The following CYTH1 variants were observed in gnomAD, a reference collection of about 807,000 sequenced individuals.
CYTH1 encodes cytohesin 1, also known as cytohesin-1.
A neutral mutation model predicts 61.8 loss-of-function variants in CYTH1; 18 were observed. That is an observed-to-expected ratio of 0.29 (90% CI 0.20 to 0.43). The LOEUF is 0.43. CYTH1 is among the 20% of genes least tolerant of loss of function. The probability of loss-of-function intolerance (pLI) is 1.00; values close to 1 mark genes in which losing one functional copy is unlikely to be tolerated. For synonymous variants in CYTH1, 174 were observed against 184.3 expected (o/e 0.94, Z 0.45); for missense variants, 336 against 510.5 (o/e 0.66, Z 3.29).
At chr17:78,774,995 C>T (rs2144767990) in intron 1 of CYTH1, among the ~76,000 whole-genome samples, 1 of 152,374 alleles carries the variant, frequency 6.6e-6, no homozygotes, top group Non-Finnish European at 1.5e-5. Flanking sequence ...CAAGGCACTG[C>T]TCCCTCAGAC....
chr17:78,737,300 G>A (rs1201853525), intron 1 of CYTH1, among the ~76,000 whole-genome samples: 5 of 152,070 alleles, frequency 3.3e-5, no homozygotes, highest in African/African-American at 4.8e-5. Context: ...CAATGTAACT[G>A]CTATGTAAAC....
rs2093360944 is a variant in CYTH1 at position 78,746,782 on chromosome 17, A to C, written c.22+35420T>G. ...CATAAACAGACTCCGTCTCTACAGA[A>C]AACTAAAAAATTAGCTGGCTGTGGT... On this transcript the variant is annotated intron_variant, in intron 1 of 13. Transcript: ENST00000446868. Among the ~76,000 whole-genome samples the C allele has an allele frequency of 2.6e-5, 4 of 152,098 alleles. No individual in the cohort carries two copies. The South Asian group carries it at 8.3e-4, about 32-fold the overall frequency.
At position 78,682,764 on chromosome 17, in the gene CYTH1, TG is replaced by T. The variant is rs143630090; in HGVS notation, c.892-1723del. On this transcript the variant is annotated intron_variant, in intron 11 of 13. Coordinates refer to ENST00000446868, the MANE Select transcript of CYTH1 (RefSeq NM_004762.6). ...CCCTACACAAAGCTGTTCTGGTTGC[TG>T]GTGCTTTGCACACGACTGCCGTCCT... Among the ~76,000 whole-genome samples, 302 of 152,366 alleles carry T rather than the reference TG, an allele frequency of 2.0e-3. 2 individuals are homozygous for T. The highest frequency in any genetic ancestry group is 6.9e-3 in the African/African-American group (286 of 41,596).
intron 11 of CYTH1, among the ~76,000 whole-genome samples, chr17:78,683,715 C>CAGA (rs2092787381): frequency 6.6e-6 from 1 of 152,258 alleles, no homozygotes; most frequent in Non-Finnish European, 1.5e-5. Context: ...AGCGAGCACT[C>CAGA]AGACTTCTGC....
chr17:78,692,589 G>A (rs1052638966), intron 10 of CYTH1, 96 bp from the exon 11 acceptor site: 2 of 1,165,660 alleles, frequency 1.7e-6, no homozygotes, highest in South Asian at 2.5e-5. Flanking sequence ...AGAGAGGGTT[G>A]GGGGAGAGGC....
chr17:78,766,871 G>C (rs953157668), intron 1 of CYTH1, among the ~76,000 whole-genome samples: 1 of 152,184 alleles, frequency 6.6e-6, no homozygotes, highest in African/African-American at 2.4e-5. Context: ...TTCAAAGCAT[G>C]GCCTGTGCAT....
At chr17:78,761,994 TACAATGAGGTG>T (rs1257908816) in intron 1 of CYTH1, among the ~76,000 whole-genome samples, 9 of 152,158 alleles carry the variant, frequency 5.9e-5, no homozygotes, top group African/African-American at 2.2e-4. Flanking sequence ...GCTTCCTCCA[TACAATGAGGTG>T]TCCATCATGT....
At chr17:78,676,828 C>T in intron 13 of CYTH1, 1 of 366,378 alleles carries the variant, frequency 2.7e-6, no homozygotes, top group South Asian at 2.0e-5. Context: ...GGAGCACCTG[C>T]AGTGGACTGG....
chr17:78,746,200 G>A (rs2093358892), intron 1 of CYTH1, among the ~76,000 whole-genome samples: 1 of 152,070 alleles, frequency 6.6e-6, no homozygotes, highest in South Asian at 2.1e-4. Context: ...TGTGGCAGGG[G>A]GTGGGGTCAG....
intron 3 of CYTH1, among the ~76,000 whole-genome samples, chr17:78,703,971 C>G (rs148705536): frequency 4.3e-4 from 65 of 152,194 alleles, no homozygotes; most frequent in African/African-American, 1.5e-3. Flanking sequence ...CTGGGTCATA[C>G]GGTACATCTG....
intron 1 of CYTH1, among the ~76,000 whole-genome samples, chr17:78,772,745 C>T (rs767209825): frequency 1.7e-4 from 25 of 151,464 alleles, no homozygotes; most frequent in Non-Finnish European, 3.5e-4. Context: ...ACAATGTTGG[C>T]CAGGATGGTC....
chr17:78,765,985 G>A (rs1226179037), intron 1 of CYTH1, among the ~76,000 whole-genome samples: 1 of 151,326 alleles, frequency 6.6e-6, no homozygotes, highest in Non-Finnish European at 1.5e-5. Context: ...GCTGTGCACG[G>A]TGGCTCAAAC....
intron 1 of CYTH1, among the ~76,000 whole-genome samples, chr17:78,725,598 C>T (rs757587444): frequency 6.6e-6 from 1 of 152,176 alleles, no homozygotes; most frequent in Non-Finnish European, 1.5e-5. Flanking sequence ...TGACTCTCTA[C>T]AGAAGACTCA....
At chr17:78,721,096 G>A (rs965569408) in intron 1 of CYTH1, among the ~76,000 whole-genome samples, 7 of 152,182 alleles carry the variant, frequency 4.6e-5, no homozygotes, top group Non-Finnish European at 8.8e-5. Flanking sequence ...TTGGGGGGCC[G>A]AGGCAGGTGG....
chr17:78,760,508 T>TATATATGTATATATATATACACATAC lies in CYTH1; in HGVS notation c.22+21693_22+21694insGTATGTGTATATATATATACATATAT, dbSNP rs1567879609. On this transcript the variant is annotated intron_variant, in intron 1 of 13. Coordinates refer to ENST00000446868, the MANE Select transcript of CYTH1 (RefSeq NM_004762.6). ...ATGTATATATATATACATATATATGTATATATATGTATATATATATATACA... is the reference window on the plus strand; with the variant it reads ...ATGTATATATATATACATATATATGTATATATGTATATATATATACACATACATATATATGTATATATATATATACA... Among the ~76,000 whole-genome samples, 3 of 46,924 alleles carry TATATATGTATATATATATACACATAC rather than the reference T, an allele frequency of 6.4e-5. No homozygotes were observed. The Admixed American group carries it at 6.9e-4, about 11-fold the overall frequency. 30.8% of individuals were successfully genotyped at this position (46,924 alleles called of 152,430 possible).
chr17:78,727,805 C>T (rs1484609624), intron 1 of CYTH1: 2 of 448,414 alleles, frequency 4.5e-6, no homozygotes, highest in African/African-American at 2.0e-5. Context: ...CGTCCCCTAT[C>T]TCCTGCCCAT....
chr17:78,773,435 G>A (rs1055421237), intron 1 of CYTH1, among the ~76,000 whole-genome samples: 1 of 152,138 alleles, frequency 6.6e-6, no homozygotes, highest in Non-Finnish European at 1.5e-5. Context: ...TTTGAGGCCA[G>A]CCTTACCAAC....
At chr17:78,715,645 G>A (rs978882818) in intron 1 of CYTH1, among the ~76,000 whole-genome samples, 28 of 152,126 alleles carry the variant, frequency 1.8e-4, no homozygotes, top group African/African-American at 6.8e-4. Flanking sequence ...AAAAGGACTG[G>A]GCAACAGGAA....
At position 78,782,183 on chromosome 17, in the gene CYTH1, G is replaced by A; in HGVS notation, c.22+19C>T. On this transcript the variant is annotated intron_variant, in intron 1 of 13. Transcript: ENST00000446868. ...GGGGGACAGCGAGGGGGAAGCGTCCGCCGCCGGGGCGCACTGACCGTAGCT... is the reference window on the plus strand; with the variant it reads ...GGGGGACAGCGAGGGGGAAGCGTCCACCGCCGGGGCGCACTGACCGTAGCT... The A allele has an allele frequency of 2.9e-6, 4 of 1,360,340 alleles. No homozygotes were observed. The highest frequency in any genetic ancestry group is 2.9e-6 in the Non-Finnish European group (3 of 1,042,148). 84.3% of individuals were successfully genotyped at this position (1,360,340 alleles called of 1,614,324 possible). A position where few individuals can be genotyped will look rare whatever the true frequency, so the allele number is the denominator to read the frequency against.
Sources: gnomAD v4.1 joint callset for allele counts (sites outside exome capture counted in the v4.1 genomes callset) on GRCh38, gnomAD v4.1.1 for gene constraint, MANE v1.5 for transcripts, NCBI Gene and HGNC (gene_info 2026-07-23, HGNC 2026-07-21) for gene names.